Variants in ZDHHC14 observed in about 807,000 individuals in gnomAD.
ZDHHC14 encodes palmitoyltransferase ZDHHC14.
A neutral mutation model predicts 47.7 loss-of-function variants in ZDHHC14; 16 were observed. The ratio of observed to expected loss-of-function variants is 0.34; its 90% CI spans 0.23 to 0.51. The LOEUF is 0.51. ZDHHC14 is among the 20% of genes least tolerant of loss of function. The pLI, the probability that ZDHHC14 is intolerant of heterozygous loss-of-function variation, is 0.97. For missense variants in ZDHHC14, 515 were observed against 662.5 expected (o/e 0.78, Z 2.44); for synonymous variants, 293 against 278.9 (o/e 1.05, Z -0.50).
Position 157,675,756 on chromosome 6 carries a change from T to A in ZDHHC14, c.*2634T>A, listed in dbSNP as rs1484365745. On this transcript the variant is annotated 3_prime_UTR_variant, in exon 9 of 9. Coordinates refer to ENST00000359775, the MANE Select transcript of ZDHHC14 (RefSeq NM_024630.3). ...CATATATGTGACATGTACATAAATA[T>A]AAATACTTATGTTTATAAATGTTGA... 1 of 152,248 alleles carries A rather than the reference T, an allele frequency of 6.6e-6. No individual in the cohort carries two copies. The highest frequency in any genetic ancestry group is 1.5e-5 in the Non-Finnish European group (1 of 68,050). 9.4% of individuals were successfully genotyped at this position (152,248 alleles called of 1,614,324 possible). A position where few individuals can be genotyped will look rare whatever the true frequency, so the allele number is the denominator to read the frequency against.
intron 5 of ZDHHC14, among the ~76,000 whole-genome samples, chr6:157,639,510 T>C (rs906214100): frequency 1.3e-5 from 2 of 152,130 alleles, no homozygotes; most frequent in Non-Finnish European, 2.9e-5. Context: ...TTCACCATGT[T>C]GGCCAGGCTA....
chr6:157,636,201 C>CACACACAA, intron 5 of ZDHHC14, among the ~76,000 whole-genome samples: 1 of 150,736 alleles, frequency 6.6e-6, no homozygotes, highest in Admixed American at 6.6e-5. Context: ...TGGATTTAAA[C>CACACACAA]ACACACACAC....
intron 1 of ZDHHC14, among the ~76,000 whole-genome samples, chr6:157,426,843 G>A (rs1419071899): frequency 3.3e-5 from 5 of 152,218 alleles, no homozygotes; most frequent in Admixed American, 6.5e-5. Context: ...TTGGGAGGCC[G>A]TTCACCTCCA....
intron 2 of ZDHHC14, among the ~76,000 whole-genome samples, chr6:157,569,608 T>A (rs903586588): frequency 1.5e-4 from 23 of 152,152 alleles, no homozygotes; most frequent in Non-Finnish European, 3.2e-4. Context: ...TTTTTCTAAA[T>A]CATATTGAGA....
chr6:157,536,372 T>G (rs770029523), intron 1 of ZDHHC14, among the ~76,000 whole-genome samples: 5 of 152,156 alleles, frequency 3.3e-5, no homozygotes, highest in Non-Finnish European at 7.4e-5. Flanking sequence ...TTAACAAACT[T>G]TTTTTATGTG....
chr6:157,596,778 G>A (rs767552740), intron 3 of ZDHHC14, among the ~76,000 whole-genome samples: 33 of 152,162 alleles, frequency 2.2e-4, no homozygotes, highest in Admixed American at 5.9e-4. Flanking sequence ...ACAGCACCCA[G>A]CACAGACAGA....
intron 1 of ZDHHC14, among the ~76,000 whole-genome samples, chr6:157,386,169 A>G (rs1777307299): frequency 6.6e-6 from 1 of 152,126 alleles, no homozygotes; most frequent in Admixed American, 6.5e-5. Flanking sequence ...GTTAAGAAGC[A>G]ACTGTGACTG....
At position 157,582,535 on chromosome 6, in the gene ZDHHC14, C is replaced by A. The variant is rs138726842; in HGVS notation, c.407-10453C>A. Among the ~76,000 whole-genome samples the A allele has an allele frequency of 4.6e-3, 703 of 152,236 alleles. 8 individuals are homozygous for A. Among genetic ancestry groups the A allele is most frequent in the African/African-American group, 0.016 (660 of 41,506 alleles). On this transcript the variant is annotated intron_variant, in intron 2 of 8. Transcript: ENST00000359775. This position sits in a 1 kb window ranked among gnomAD's most constrained non-coding sequence, Gnocchi z 4.3. ...GAAATTCTTGGTTGGAAATTCTTTTCTTTAAGAATGCTGAATATAGCCTGA... is the reference window on the plus strand; with the variant it reads ...GAAATTCTTGGTTGGAAATTCTTTTATTTAAGAATGCTGAATATAGCCTGA...
intron 2 of ZDHHC14, among the ~76,000 whole-genome samples, chr6:157,549,117 G>A (rs1782111802): frequency 6.6e-6 from 1 of 152,220 alleles, no homozygotes; most frequent in Non-Finnish European, 1.5e-5. Flanking sequence ...GCTGCACAGT[G>A]CTGCCCACCT....
intron 5 of ZDHHC14, among the ~76,000 whole-genome samples, chr6:157,645,423 G>A (rs557447811): frequency 6.6e-6 from 1 of 152,138 alleles, no homozygotes; most frequent in African/African-American, 2.4e-5. Context: ...CCACAGTGAG[G>A]CACAGAAAAA....
intron 3 of ZDHHC14, among the ~76,000 whole-genome samples, chr6:157,615,471 A>G (rs1008883653): frequency 1.3e-5 from 2 of 152,142 alleles, no homozygotes; most frequent in Non-Finnish European, 1.5e-5. Flanking sequence ...GCACTTCCTC[A>G]TTGTGTGAAA....
At chr6:157,603,030 G>A (rs1428120024) in intron 3 of ZDHHC14, among the ~76,000 whole-genome samples, 4 of 152,230 alleles carry the variant, frequency 2.6e-5, no homozygotes, top group Non-Finnish European at 5.9e-5. Context: ...ACCCCAGACC[G>A]TGGGGCCATC....
intron 3 of ZDHHC14, among the ~76,000 whole-genome samples, chr6:157,598,518 A>G (rs2114902816): frequency 6.6e-6 from 1 of 152,320 alleles, no homozygotes; most frequent in South Asian, 2.1e-4. Flanking sequence ...GACCAAGGAG[A>G]ACTCAAGGCA....
chr6:157,445,397 G>A (rs536186377), intron 1 of ZDHHC14, among the ~76,000 whole-genome samples: 12 of 152,160 alleles, frequency 7.9e-5, no homozygotes, highest in Non-Finnish European at 1.5e-4. Flanking sequence ...TGAAAACCTG[G>A]TTCATTTGTC....
chr6:157,581,771 G>A (rs560046431), intron 2 of ZDHHC14, among the ~76,000 whole-genome samples: 22 of 152,060 alleles, frequency 1.4e-4, no homozygotes, highest in South Asian at 8.3e-4. Context: ...CATTTGCTTG[G>A]TAGATTTTTC....
chr6:157,585,089 C>T (rs1344344666), intron 2 of ZDHHC14, among the ~76,000 whole-genome samples: 1 of 151,924 alleles, frequency 6.6e-6, no homozygotes, highest in African/African-American at 2.4e-5. Context: ...AGCTTGTAGT[C>T]CCAGCTTCTC....
intron 2 of ZDHHC14, among the ~76,000 whole-genome samples, chr6:157,557,214 G>A (rs1208825518): frequency 6.6e-6 from 1 of 152,240 alleles, no homozygotes; most frequent in East Asian, 1.9e-4. Flanking sequence ...GCACGCTGTA[G>A]CAGGAGAGGA....
At chr6:157,491,877 TAAGG>T (rs757756107) in intron 1 of ZDHHC14, among the ~76,000 whole-genome samples, 2 of 152,242 alleles carry the variant, frequency 1.3e-5, no homozygotes, top group Non-Finnish European at 2.9e-5. Flanking sequence ...AGCGTAATCC[TAAGG>T]ATTAATTCTT....
intron 3 of ZDHHC14, among the ~76,000 whole-genome samples, chr6:157,603,082 G>A (rs1460945318): frequency 6.6e-6 from 1 of 152,182 alleles, no homozygotes; most frequent in Non-Finnish European, 1.5e-5. Context: ...GTGGCTTACT[G>A]CAGGCTGGGA....
Sources: gnomAD v4.1 joint callset for allele counts (sites outside exome capture counted in the v4.1 genomes callset) on GRCh38, gnomAD v4.1.1 for gene constraint, Gnocchi (gnomAD v3.1) non-coding constraint, MANE v1.5 for transcripts, NCBI Gene and HGNC (gene_info 2026-07-23, HGNC 2026-07-21) for gene names.